GAL3ST2: variants seen among roughly 807,000 people sequenced by gnomAD.
GAL3ST2 encodes the protein beta-galactose-3-O-sulfotransferase 2.
In GAL3ST2, 16 loss-of-function variants were observed where a neutral mutation model predicts 12.9. The ratio of observed to expected loss-of-function variants is 1.24; its 90% confidence interval spans 0.84 to 1.88. The LOEUF (loss-of-function observed/expected upper bound fraction) is 1.88. Ranked by LOEUF, GAL3ST2 falls within the 40% of genes most tolerant of loss-of-function variation. The pLI is 0.00. For missense variants in GAL3ST2, 639 were observed against 571.8 expected, an observed-to-expected ratio of 1.12 and a Z score of -1.20; for synonymous variants, 302 against 273.9, an observed-to-expected ratio of 1.10 and a Z score of -1.01.
chr2:241,784,225 G>C (rs1445020150), intron 1 of GAL3ST2, among the ~76,000 whole-genome samples: 1 of 152,028 alleles, frequency 6.6e-6, no homozygotes, highest in Non-Finnish European at 1.5e-5. Context: ...ATTAGAAACG[G>C]CATTTCACCG....
intron 1 of GAL3ST2, among the ~76,000 whole-genome samples, chr2:241,786,217 G>T (rs1421316266): frequency 2.7e-5 from 4 of 150,268 alleles, no homozygotes; most frequent in African/African-American, 9.9e-5. Flanking sequence ...CAATAATTTG[G>T]AACTTTTCTT....
At chr2:241,798,922 G>C (rs935529289) in intron 1 of GAL3ST2, 143 bp from the exon 2 acceptor site, 1 of 691,416 alleles carries the variant, frequency 1.4e-6, no homozygotes, top group Non-Finnish European at 2.6e-6. Context: ...CCGGCACCCA[G>C]TGGGTTTGAG....
chr2:241,803,370 C>A lies in GAL3ST2; in HGVS notation c.401C>A (p.Thr134Asn), dbSNP rs757981051. 5.2e-5 allele frequency: 84 copies of A among 1,606,156 alleles called. 5 individuals carry two copies. The South Asian group carries it at 7.0e-4, about 13-fold the overall frequency. Residue 134 changes from threonine to asparagine, a missense_variant, in exon 4 of 4, where the codon ACC (threonine) becomes AAC (asparagine). By Grantham distance (65) the Thr-to-Asn change is moderately conservative. Coordinates refer to ENST00000192314, the MANE Select transcript of GAL3ST2 (RefSeq NM_022134.3). Reference sequence around the variant, plus strand: ...GTGCAGAAAGTCATGCCCAACGACACCTTCTACTTCTCCATCCTGAGGAAC... The same window carrying A: ...GTGCAGAAAGTCATGCCCAACGACAACTTCTACTTCTCCATCCTGAGGAAC... ...PQVQKVMPND[T>N]FYFSILRNPV...
At chr2:241,785,579 C>T (rs1192311282) in intron 1 of GAL3ST2, among the ~76,000 whole-genome samples, 3 of 148,690 alleles carry the variant, frequency 2.0e-5, no homozygotes, top group African/African-American at 7.4e-5. Flanking sequence ...AAAGCTGAGA[C>T]GAACTTGTCT....
At position 241,804,001 on chromosome 2, in the gene GAL3ST2, C is replaced by T. The variant is rs1699897630; in HGVS notation, c.1032C>T (p.Ser344=). Reference sequence around the variant, plus strand: ...ACCCGCGCCTGCGCCCCTACCAGTCCGGCAAGGCCGACATCCTGGGTTACA... The same window carrying T: ...ACCCGCGCCTGCGCCCCTACCAGTCTGGCAAGGCCGACATCCTGGGTTACA... ...IRDPRLRPYQ[S]GKADILGYNL... is the part of the protein sequence containing the mutation. The change falls in exon 4 of 4, where the codon TCC becomes TCT. Residue 344 remains serine (S), a synonymous_variant. Coordinates refer to ENST00000192314, the MANE Select transcript of GAL3ST2 (RefSeq NM_022134.3). 1.3e-6 allele frequency: 2 copies of T among 1,564,152 alleles called. No homozygotes were observed. The highest frequency in any genetic ancestry group is 1.7e-6 in the Non-Finnish European group (2 of 1,157,880).
chr2:241,800,681 C>T lies in GAL3ST2; in HGVS notation c.120-1100C>T, dbSNP rs180720607. The stretch of plus-strand genomic sequence containing the variant: ...CAGTTACTGAAATGCGGCTCTTGTC[C>T]GATGGCAGCTGTGGTTCTGGCTGGG... On this transcript the variant is annotated intron_variant, in intron 2 of 3. Transcript: ENST00000192314. This position sits in a 1 kb window ranked among gnomAD's most constrained non-coding sequence, Gnocchi z 5.2. Among the ~76,000 whole-genome samples, 1,523 of 152,090 alleles carry T rather than the reference C, an allele frequency of 0.01. 9 individuals are homozygous for T. Among genetic ancestry groups the T allele is most frequent in the Non-Finnish European group, 0.014 (982 of 68,006 alleles).
intron 1 of GAL3ST2, among the ~76,000 whole-genome samples, chr2:241,779,334 C>T (rs1297347235): frequency 1.3e-5 from 2 of 148,304 alleles, no homozygotes; most frequent in Non-Finnish European, 3.0e-5. Context: ...CCCGGGTTCA[C>T]GCCATTCTCC....
At chr2:241,803,207 C>T (rs1340602554) in intron 3 of GAL3ST2, 138 bp from the exon 4 acceptor site, 2 of 690,758 alleles carry the variant, frequency 2.9e-6, no homozygotes, top group Non-Finnish European at 4.7e-6. Flanking sequence ...CGAGAAGGCG[C>T]CAGGCCCAGG....
chr2:241,786,952 A>T (rs1380195070), intron 1 of GAL3ST2, among the ~76,000 whole-genome samples: 2 of 152,184 alleles, frequency 1.3e-5, no homozygotes, highest in African/African-American at 4.8e-5. Flanking sequence ...CGTTCTCTTC[A>T]AAGTCTCCCC....
chr2:241,778,955 G>C (rs900647516), intron 1 of GAL3ST2, among the ~76,000 whole-genome samples: 3 of 152,156 alleles, frequency 2.0e-5, no homozygotes, highest in Non-Finnish European at 4.4e-5. Flanking sequence ...TCAGTGAGCA[G>C]AGGGGAGACT....
intron 1 of GAL3ST2, among the ~76,000 whole-genome samples, chr2:241,780,496 G>T (rs992104742): frequency 2.6e-5 from 4 of 152,178 alleles, no homozygotes; most frequent in African/African-American, 9.7e-5. Flanking sequence ...TCCAGCCTGG[G>T]TGACAGAGCG....
chr2:241,798,052 C>T (rs149153547), intron 1 of GAL3ST2, among the ~76,000 whole-genome samples: 462 of 152,336 alleles, frequency 3.0e-3, no homozygotes, highest in African/African-American at 0.011. Context: ...CCCACCCCAT[C>T]ACTGAGGGGC....
chr2:241,778,289 G>T (rs1327929545), intron 1 of GAL3ST2, among the ~76,000 whole-genome samples: 1 of 152,242 alleles, frequency 6.6e-6, no homozygotes, highest in African/African-American at 2.4e-5. Context: ...GGGGACGGTA[G>T]TGTGTGGTGC....
chr2:241,801,727 G>A lies in GAL3ST2; in HGVS notation c.120-54G>A, dbSNP rs1233290328. The A allele has an allele frequency of 1.3e-5, 20 of 1,576,572 alleles. No homozygotes were observed. Among genetic ancestry groups the A allele is most frequent in the Admixed American group, 8.5e-5 (5 of 58,628 alleles). ...GCCGGGCTGGGGGTCGCTGTTGGGC[G>A]GGGGTTGGGGCATCTGCACCCTTGC... is the stretch of plus-strand genomic sequence containing the variant. On this transcript the variant is annotated intron_variant, in intron 2 of 3. Coordinates refer to ENST00000192314, the MANE Select transcript of GAL3ST2 (RefSeq NM_022134.3). The surrounding 1 kb of genome is among the most constrained non-coding windows in gnomAD (Gnocchi z 4.4).
At chr2:241,786,981 T>C (rs1699634647) in intron 1 of GAL3ST2, among the ~76,000 whole-genome samples, 1 of 152,270 alleles carries the variant, frequency 6.6e-6, no homozygotes, top group South Asian at 2.1e-4. Context: ...CTGAGACAAA[T>C]GCATATCTGA....
Position 241,793,767 on chromosome 2 carries a change from AGTGT to A in GAL3ST2, c.30-5295_30-5292del, listed in dbSNP as rs914455450. ...ATGTGTGTGTGTATTGTGTATGTGT[AGTGT>A]GTATTATTTGTGTGTGTGTGTATTG... On this transcript the variant is annotated intron_variant, in intron 1 of 3. Transcript: ENST00000192314. This position sits in a 1 kb window ranked among gnomAD's most constrained non-coding sequence, Gnocchi z 4.7. Among the ~76,000 whole-genome samples, 5 of 150,876 alleles carry A rather than the reference AGTGT, an allele frequency of 3.3e-5. No individual in the cohort carries two copies. The highest frequency in any genetic ancestry group is 9.8e-5 in the African/African-American group (4 of 40,958).
chr2:241,803,968 G>T lies in GAL3ST2; in HGVS notation c.999G>T (p.Gln333His). The change falls in exon 4 of 4, where the codon CAG (glutamine) becomes CAT (histidine). Residue 333 changes from glutamine (Q) to histidine (H), a missense_variant. By Grantham distance (24) the Gln-to-His change is conservative (BLOSUM62 0). Coordinates refer to ENST00000192314, the MANE Select transcript of GAL3ST2 (RefSeq NM_022134.3). ...QDGGALKNHT[Q>H]IRDPRLRPYQ... ...GCGGCGCGCTCAAGAACCACACGCA[G>T]ATCAGAGACCCGCGCCTGCGCCCCT... 3 of 1,533,042 alleles carry T rather than the reference G, an allele frequency of 2.0e-6. No individual in the cohort carries two copies. The highest frequency in any genetic ancestry group is 2.6e-6 in the Non-Finnish European group (3 of 1,143,242). The allele number at this position is 1,533,042 out of a possible 1,614,324, so 95.0% of individuals were successfully genotyped here.
intron 1 of GAL3ST2, 37 bp downstream of exon 1, chr2:241,777,021 C>T (rs145291989): frequency 4.1e-6 from 6 of 1,456,302 alleles, no homozygotes; most frequent in Admixed American, 4.6e-5. Context: ...GTGGACAAAG[C>T]GCTTCATCTG....
At chr2:241,785,869 C>G (rs1413220881) in intron 1 of GAL3ST2, among the ~76,000 whole-genome samples, 1 of 152,130 alleles carries the variant, frequency 6.6e-6, no homozygotes, top group Non-Finnish European at 1.5e-5. Context: ...CACACACACA[C>G]ACACACACAT....
Sources: allele counts gnomAD v4.1 joint callset (sites outside exome capture counted in the v4.1 genomes callset), GRCh38; gene constraint gnomAD v4.1.1; non-coding constraint Gnocchi (gnomAD v3.1); transcripts MANE v1.5; gene names NCBI Gene and HGNC (gene_info 2026-07-23, HGNC 2026-07-21).